Variants in ADCY5 observed in about 807,000 individuals in gnomAD.
ADCY5 encodes adenylate cyclase type 5.
A neutral mutation model predicts 119.7 loss-of-function variants in ADCY5; 30 were observed. The observed-to-expected ratio is 0.25, with a 90% confidence interval of 0.19 to 0.34. The LOEUF (loss-of-function observed/expected upper bound fraction) is 0.34, where lower values mean the gene tolerates loss of function less well. Ranked by LOEUF, ADCY5 falls within the 10% of genes least tolerant of loss-of-function variation. The probability of loss-of-function intolerance (pLI) is 1.00; values close to 1 mark genes in which losing one functional copy is unlikely to be tolerated. For missense variants in ADCY5, 1,324 were observed against 1,775.2 expected, an observed-to-expected ratio of 0.75 and a Z score of 4.57; for synonymous variants, 753 against 762.2, an observed-to-expected ratio of 0.99 and a Z score of 0.20.
chr3:123,374,885 A>C lies in ADCY5; in HGVS notation c.1135-22304T>G, dbSNP rs779236919. Among the ~76,000 whole-genome samples the C allele has an allele frequency of 2.0e-4, 30 of 152,240 alleles. 1 individual carries two copies. Among genetic ancestry groups the C allele is most frequent in the Non-Finnish European group, 4.0e-4 (27 of 68,038 alleles). On this transcript the variant is annotated intron_variant, in intron 1 of 20. Coordinates refer to ENST00000462833, the MANE Select transcript of ADCY5 (RefSeq NM_183357.3). The stretch of plus-strand genomic sequence containing the variant: ...TTTATGGAGACCTTGACAGAGACGG[A>C]AAGTTGAGAAGGACACCAATTATGG...
chr3:123,290,016 G>GT, intron 18 of ADCY5, 62 bp from the exon 19 acceptor site: 1 of 1,548,092 alleles, frequency 6.5e-7, no homozygotes, highest in South Asian at 1.1e-5. Context: ...CCACAGGGAG[G>GT]GACAGAGGAT....
chr3:123,305,058 A>G (rs778266619), intron 12 of ADCY5, among the ~76,000 whole-genome samples: 39 of 152,292 alleles, frequency 2.6e-4, no homozygotes, highest in Non-Finnish European at 4.4e-4. Flanking sequence ...CCAAGGGCAG[A>G]CAGGGTGGTT....
chr3:123,434,612 TGAGCCTTTTG>T (rs1945576007), intron 1 of ADCY5, among the ~76,000 whole-genome samples: 1 of 152,222 alleles, frequency 6.6e-6, no homozygotes, highest in Non-Finnish European at 1.5e-5. Flanking sequence ...TAAAGGTATT[TGAGCCTTTTG>T]GCTGGTATTT....
chr3:123,397,011 C>T (rs1283161699), intron 1 of ADCY5, among the ~76,000 whole-genome samples: 3 of 152,122 alleles, frequency 2.0e-5, no homozygotes, highest in East Asian at 3.9e-4. Context: ...AGAAAGGTCC[C>T]GCCGAGAAGG....
At chr3:123,365,025 C>T (rs1271994675) in intron 1 of ADCY5, among the ~76,000 whole-genome samples, 1 of 151,962 alleles carries the variant, frequency 6.6e-6, no homozygotes, top group African/African-American at 2.4e-5. Context: ...ACTCTGCCTC[C>T]TGGGTTCAAG....
Position 123,448,189 on chromosome 3 carries a change from C to G in ADCY5, c.357G>C (p.Arg119=). ...TGCTGCCCCCGCTGGCCGCGCCCCG[C>G]CGCTGCCGGCGGCTGCCGCGACCGC... ...DDCGRGSRRQ[R]RGAASGGSTR... The change falls in exon 1 of 21, where the codon CGG becomes CGC. Residue 119 remains arginine, a synonymous_variant. Transcript: ENST00000462833. 2.5e-6 allele frequency: 3 copies of G among 1,220,606 alleles called. No homozygotes were observed. The highest frequency in any genetic ancestry group is 3.1e-6 in the Non-Finnish European group (3 of 981,734). 75.6% of individuals were successfully genotyped at this position (1,220,606 alleles called of 1,614,324 possible).
chr3:123,420,549 T>C (rs1364501588), intron 1 of ADCY5, among the ~76,000 whole-genome samples: 1 of 152,184 alleles, frequency 6.6e-6, no homozygotes, highest in African/African-American at 2.4e-5. Context: ...CGCATCTCCA[T>C]TCTCCTACAC....
At chr3:123,351,507 T>C (rs1408795318) in intron 2 of ADCY5, among the ~76,000 whole-genome samples, 1 of 152,194 alleles carries the variant, frequency 6.6e-6, no homozygotes, top group Non-Finnish European at 1.5e-5. Flanking sequence ...GCTGAGGGTC[T>C]GGGGAGATGG....
At chr3:123,401,189 A>G (rs1944741139) in intron 1 of ADCY5, among the ~76,000 whole-genome samples, 1 of 152,008 alleles carries the variant, frequency 6.6e-6, no homozygotes, top group African/African-American at 2.4e-5. Flanking sequence ...ATTTTGAAAA[A>G]CTTACATAGC....
rs9840752 is a variant in ADCY5 at position 123,445,586 on chromosome 3, A to C, written c.1134+1826T>G. 5.6e-3 allele frequency among the ~76,000 whole-genome samples: 856 copies of C among 152,348 alleles called. 8 individuals carry two copies. Among genetic ancestry groups the C allele is most frequent in the African/African-American group, 0.02 (822 of 41,580 alleles). On this transcript the variant is annotated intron_variant, in intron 1 of 20. Coordinates refer to ENST00000462833, the MANE Select transcript of ADCY5 (RefSeq NM_183357.3). ...AAAGCACGAGTCCTCGGGTCAAAAG[A>C]GTTGGGGCTTTTATAAGCACTAACA...
chr3:123,301,932 G>A, intron 14 of ADCY5, among the ~76,000 whole-genome samples: 1 of 152,140 alleles, frequency 6.6e-6, no homozygotes, highest in Non-Finnish European at 1.5e-5. Context: ...GCGGAGCGGG[G>A]GTGGGGCTGC....
At chr3:123,292,238 G>T (rs915890667) in intron 17 of ADCY5, among the ~76,000 whole-genome samples, 1 of 152,252 alleles carries the variant, frequency 6.6e-6, no homozygotes, top group Non-Finnish European at 1.5e-5. Flanking sequence ...GCTGCAAGTA[G>T]AATCTCCAAC....
At chr3:123,409,215 T>G (rs1224334810) in intron 1 of ADCY5, among the ~76,000 whole-genome samples, 1 of 152,170 alleles carries the variant, frequency 6.6e-6, no homozygotes, top group Non-Finnish European at 1.5e-5. Context: ...TTAGAAAAGT[T>G]TAACCCTTAT....
In ADCY5 at chr3:123,284,623, C is replaced by T. The variant is rs750067237; in HGVS notation, c.3771G>A (p.Gly1257=). ...GEMMTYFLNG[G]PPLS ...CCAACAGCTGCTAACTGAGCGGGGG[C>T]CCTCCATTGAGGAAGTAGGTCATCA... The change falls in exon 21 of 21, where the codon GGG becomes GGA. Residue 1257 remains glycine (G), a synonymous_variant. Transcript: ENST00000462833. 2 of 1,614,236 alleles carry T rather than the reference C, an allele frequency of 1.2e-6. No homozygotes were observed. The highest frequency in any genetic ancestry group is 1.7e-6 in the Non-Finnish European group (2 of 1,180,028).
At chr3:123,348,013 TCTCCCGGGA>T (rs1942637858) in intron 2 of ADCY5, 110 bp from the exon 3 acceptor site, 1 of 1,122,740 alleles carries the variant, frequency 8.9e-7, no homozygotes, top group African/African-American at 2.6e-5. Context: ...CCTCTCAGGC[TCTCCCGGGA>T]CTCCTGGGTT....
chr3:123,395,679 A>G (rs1319161650), intron 1 of ADCY5, among the ~76,000 whole-genome samples: 1 of 151,660 alleles, frequency 6.6e-6, no homozygotes, highest in Non-Finnish European at 1.5e-5. Context: ...GGAGTTCAAG[A>G]CTAGCCTTGG....
At chr3:123,397,063 T>G (rs1944620418) in intron 1 of ADCY5, among the ~76,000 whole-genome samples, 1 of 152,100 alleles carries the variant, frequency 6.6e-6, no homozygotes, top group African/African-American at 2.4e-5. Flanking sequence ...TTATTTTTCC[T>G]TCCACAAACC....
chr3:123,431,710 C>T (rs1945526472), intron 1 of ADCY5, among the ~76,000 whole-genome samples: 1 of 152,364 alleles, frequency 6.6e-6, no homozygotes, highest in Non-Finnish European at 1.5e-5. Context: ...TACTAAGCCA[C>T]AGCCTTGCCT....
At chr3:123,425,103 A>T (rs925657498) in intron 1 of ADCY5, among the ~76,000 whole-genome samples, 1 of 113,246 alleles carries the variant, frequency 8.8e-6, no homozygotes, top group South Asian at 3.7e-4. Context: ...CACTGCAGAG[A>T]GGGGCCCATC....
Sources: gnomAD v4.1 joint callset for allele counts (sites outside exome capture counted in the v4.1 genomes callset) on GRCh38, gnomAD v4.1.1 for gene constraint, MANE v1.5 for transcripts, NCBI Gene and HGNC (gene_info 2026-07-23, HGNC 2026-07-21) for gene names.